The following AGMO variants were observed in gnomAD, a reference collection of about 807,000 sequenced individuals.
AGMO encodes the protein alkylglycerol monooxygenase.
In AGMO, 75 loss-of-function variants were observed where a neutral mutation model predicts 60.2. The ratio of observed to expected loss-of-function variants is 1.25; its 90% CI spans 1.03 to 1.51. The LOEUF is 1.51. Among genes scored for constraint, AGMO ranks in the 40% most tolerant of loss-of-function variants. The probability of loss-of-function intolerance (pLI) is 0.00; values close to 1 mark genes in which losing one functional copy is unlikely to be tolerated. For missense variants in AGMO, 763 were observed against 525.5 expected (o/e 1.45, Z -4.42); for synonymous variants, 261 against 177.1 (o/e 1.47, Z -3.76).
chr7:15,215,838 T>C (rs1265933692), intron 12 of AGMO, among the ~76,000 whole-genome samples: 6 of 152,060 alleles, frequency 3.9e-5, no homozygotes, highest in Non-Finnish European at 5.9e-5. Context: ...TGCAGTATTA[T>C]GACAATCAGT....
rs78480744 is a variant in AGMO at position 15,309,374 on chromosome 7, G to A, written c.1263+56140C>T. On this transcript the variant is annotated intron_variant, in intron 12 of 12. Coordinates refer to ENST00000342526, the MANE Select transcript of AGMO (RefSeq NM_001004320.2). ...GGAAATACTTTATACATTCTTAACA[G>A]CTCTCTGTGTTGTGAGAATCTTCAA... 6.9e-3 allele frequency among the ~76,000 whole-genome samples: 1,050 copies of A among 152,106 alleles called. 17 individuals are homozygous for A. The highest frequency in any genetic ancestry group is 0.024 in the African/African-American group (1,008 of 41,506).
At chr7:15,523,869 A>T (rs1784060882) in intron 3 of AGMO, among the ~76,000 whole-genome samples, 1 of 152,170 alleles carries the variant, frequency 6.6e-6, no homozygotes, top group South Asian at 2.1e-4. Flanking sequence ...AATAAAAAAT[A>T]TAGCATTTAA....
chr7:15,380,026 A>G (rs1024929313), intron 10 of AGMO, among the ~76,000 whole-genome samples: 4 of 152,180 alleles, frequency 2.6e-5, no homozygotes, highest in South Asian at 4.1e-4. Flanking sequence ...AAAAAGATCC[A>G]TATAAGACAA....
Position 15,305,240 on chromosome 7 carries a change from T to TAA in AGMO, c.1263+60272_1263+60273dup, listed in dbSNP as rs11351669. Among the ~76,000 whole-genome samples, 175 of 117,948 alleles carry TAA rather than the reference T, an allele frequency of 1.5e-3. 1 individual carries two copies. Among genetic ancestry groups the TAA allele is most frequent in the African/African-American group, 4.8e-3 (166 of 34,578 alleles). 77.4% of individuals were successfully genotyped at this position (117,948 alleles called of 152,430 possible). A position where few individuals can be genotyped will look rare whatever the true frequency, so the allele number is the denominator to read the frequency against. On this transcript the variant is annotated intron_variant, in intron 12 of 12. Coordinates refer to ENST00000342526, the MANE Select transcript of AGMO (RefSeq NM_001004320.2). ...AGGCAACCTTGTCAGGCAATCTGGTTAAAAAAAAAAAAAAAAAAGTTTGAT... is the reference window on the plus strand; with the variant it reads ...AGGCAACCTTGTCAGGCAATCTGGTTAAAAAAAAAAAAAAAAAAAAGTTTGAT...
chr7:15,557,517 C>CT (rs1018357284), intron 2 of AGMO, among the ~76,000 whole-genome samples: 143 of 150,402 alleles, frequency 9.5e-4, no homozygotes, highest in African/African-American at 3.2e-3. Flanking sequence ...CAAATTCTTC[C>CT]TTTTTTTTTC....
intron 3 of AGMO, among the ~76,000 whole-genome samples, chr7:15,490,299 G>C (rs529109807): frequency 1.2e-4 from 18 of 152,272 alleles, no homozygotes; most frequent in African/African-American, 4.3e-4. Context: ...TGGTATAAAT[G>C]TGTGAGGTTT....
At chr7:15,389,297 G>A (rs1463484804) in intron 8 of AGMO, among the ~76,000 whole-genome samples, 1 of 111,664 alleles carries the variant, frequency 9.0e-6, no homozygotes, top group Non-Finnish European at 1.9e-5. Context: ...AGAGGATAGA[G>A]ATGAAGGTGT....
At chr7:15,271,801 A>G (rs1783619550) in intron 12 of AGMO, among the ~76,000 whole-genome samples, 1 of 152,076 alleles carries the variant, frequency 6.6e-6, no homozygotes, top group African/African-American at 2.4e-5. Flanking sequence ...TTGGCTGTGG[A>G]TATGTCATAT....
Position 15,544,757 on chromosome 7 carries a change from TC to T in AGMO, c.409+14del. 5 of 1,556,610 alleles carry T rather than the reference TC, an allele frequency of 3.2e-6. No individual in the cohort carries two copies. Among genetic ancestry groups the T allele is most frequent in the Non-Finnish European group, 4.3e-6 (5 of 1,152,304 alleles). On this transcript the variant is annotated intron_variant, in intron 3 of 12. Transcript: ENST00000342526. Reference sequence around the variant, plus strand: ...TTCAACATAAGTTAACAAAAAGTCCTCATTTGCAGCTTACCATGAGCCATAC... The same window carrying T: ...TTCAACATAAGTTAACAAAAAGTCCTATTTGCAGCTTACCATGAGCCATAC...
At chr7:15,123,240 CT>C in the AGMO span, among the ~76,000 whole-genome samples, 2 of 152,078 alleles carry the variant, frequency 1.3e-5, no homozygotes, top group Non-Finnish European at 2.9e-5. Context: ...CAGCTCACCC[CT>C]GAAAAGTCTA....
chr7:15,224,658 C>A (rs1782023280), intron 12 of AGMO, among the ~76,000 whole-genome samples: 1 of 152,008 alleles, frequency 6.6e-6, no homozygotes, highest in Admixed American at 6.6e-5. Context: ...TCCCTTATTG[C>A]CTCATGTCCC....
intron 12 of AGMO, among the ~76,000 whole-genome samples, chr7:15,270,596 ATTTTTTTTTTTTTTTTTTTTTT>A (rs527463907): frequency 7.3e-4 from 35 of 48,070 alleles, no homozygotes; most frequent in Middle Eastern, 0.017. Context: ...TCTGTTGATA[ATTTTTTTTTTTTTTTTTTTTTT>A]TTTTTTTTTT....
At chr7:15,437,531 CTTTTTTT>C (rs201021445) in intron 3 of AGMO, among the ~76,000 whole-genome samples, 107 of 120,578 alleles carry the variant, frequency 8.9e-4, no homozygotes, top group African/African-American at 1.1e-3. Context: ...AAATTTTTTC[CTTTTTTT>C]TTTTTTTTTT....
At chr7:15,505,735 T>C (rs188171381) in intron 3 of AGMO, among the ~76,000 whole-genome samples, 7 of 152,058 alleles carry the variant, frequency 4.6e-5, no homozygotes, top group African/African-American at 1.7e-4. Flanking sequence ...ATATTTTGGA[T>C]AATTTCTGTT....
intron 3 of AGMO, among the ~76,000 whole-genome samples, chr7:15,460,209 A>C (rs13222678): frequency 0.79 from 119,745 of 150,802 alleles, 48,567 homozygotes; most frequent in African/African-American, 0.87. Context: ...CAGGTTCAAG[A>C]GACTCTCCTG....
At chr7:15,254,195 G>T (rs192119642) in intron 12 of AGMO, among the ~76,000 whole-genome samples, 1 of 151,886 alleles carries the variant, frequency 6.6e-6, no homozygotes. Context: ...TACAATTTTC[G>T]TGAGAGTGCA....
the AGMO span, among the ~76,000 whole-genome samples, chr7:15,167,980 CA>C: frequency 1.3e-5 from 2 of 152,178 alleles, no homozygotes; most frequent in African/African-American, 4.8e-5. Flanking sequence ...TTGGTGAACA[CA>C]CAAGAATCAA....
intron 3 of AGMO, among the ~76,000 whole-genome samples, chr7:15,537,991 GA>G (rs946543741): frequency 2.6e-5 from 4 of 151,966 alleles, no homozygotes; most frequent in Non-Finnish European, 5.9e-5. Flanking sequence ...AAACTCAGAG[GA>G]AAATGGTTAA....
intron 12 of AGMO, among the ~76,000 whole-genome samples, chr7:15,354,468 GTATACACACGTGTGTA>G (rs1563105811): frequency 4.0e-3 from 51 of 12,870 alleles, no homozygotes; most frequent in African/African-American, 0.017. Context: ...ACACGTGTGT[GTATACACACGTGTGTA>G]TATACACACG....
Sources: allele counts gnomAD v4.1 joint callset (sites outside exome capture counted in the v4.1 genomes callset), GRCh38; gene constraint gnomAD v4.1.1; transcripts MANE v1.5; gene names NCBI Gene and HGNC (gene_info 2026-07-23, HGNC 2026-07-21).